The following WAC variants were observed in gnomAD, a reference collection of about 807,000 sequenced individuals.
WAC encodes the protein WW domain-containing adapter protein with coiled-coil.
WAC carries 11 observed loss-of-function variants against 79.6 expected under a neutral mutation model. The ratio of observed to expected loss-of-function variants is 0.14; its 90% CI spans 0.09 to 0.23. The LOEUF is 0.23. WAC is among the 10% of genes least tolerant of loss of function. The pLI is 1.00. For missense variants in WAC, 728 were observed against 773.5 expected (o/e 0.94, Z 0.70); for synonymous variants, 304 against 276.9 (o/e 1.10, Z -0.97).
At chr10:28,591,000 G>C (rs1335355629) in intron 6 of WAC, 168 bp downstream of exon 6, 6 of 622,104 alleles carry the variant, frequency 9.6e-6, no homozygotes, top group Non-Finnish European at 1.7e-5. Flanking sequence ...TCCCTGAAAA[G>C]GGAAAAGATA....
In WAC at chr10:28,617,740, T is replaced by C. The variant is rs747776500; in HGVS notation, c.1830T>C (p.Ser610=). ...EICTELKNLR[S]LVRVCEIQAT... ...GTACTGAATTAAAAAATTTAAGATC[T>C]TTAGTCCGAGTATGTGAAATTCAAG... is the stretch of plus-strand genomic sequence containing the variant. Residue 610 remains serine, a synonymous_variant, in exon 13 of 14, where the codon TCT becomes TCC. Coordinates refer to ENST00000354911, the MANE Select transcript of WAC (RefSeq NM_016628.5). 5.6e-6 allele frequency: 9 copies of C among 1,598,146 alleles called. No homozygotes were observed. The African/African-American group carries it at 1.2e-4, about 21-fold the overall frequency.
chr10:28,619,672 T>A lies in WAC; in HGVS notation c.*66T>A. 7.3e-7 allele frequency: 1 copy of A among 1,376,024 alleles called. No homozygotes were observed. The highest frequency in any genetic ancestry group is 9.8e-7 in the Non-Finnish European group (1 of 1,018,932). The allele number at this position is 1,376,024 out of a possible 1,614,324, so 85.2% of individuals were successfully genotyped here. A position where few individuals can be genotyped will look rare whatever the true frequency, so the allele number is the denominator to read the frequency against. On this transcript the variant is annotated 3_prime_UTR_variant, in exon 14 of 14. Transcript: ENST00000354911. The stretch of plus-strand genomic sequence containing the variant: ...TAAATCTGTTGCCCAATCTTAACAT[T>A]TTTGAGCTGCATTTAAGTAGACTTT...
intron 3 of WAC, among the ~76,000 whole-genome samples, chr10:28,536,465 A>G (rs576005338): frequency 6.6e-5 from 10 of 152,214 alleles, no homozygotes; most frequent in Non-Finnish European, 1.0e-4. Flanking sequence ...ATGATAAACT[A>G]TGAATTTAAA....
rs143909998 is a variant in WAC at position 28,611,899 on chromosome 10, C to A, written c.1414C>A (p.Pro472Thr). The A allele has an allele frequency of 1.6e-4, 261 of 1,613,674 alleles. No individual in the cohort carries two copies. The highest frequency in any genetic ancestry group is 2.0e-4 in the Non-Finnish European group (237 of 1,179,968). The change falls in exon 10 of 14, where the codon CCT becomes ACT. Residue 472 changes from proline (P) to threonine (T), a missense_variant. This residue lies in a region of WAC where 648 missense variants were observed against 661.5 expected (regional missense o/e 0.98). Coordinates refer to ENST00000354911, the MANE Select transcript of WAC (RefSeq NM_016628.5). ...CCCTATCAAACCTTTGATCAGTACT[C>A]CTCCTGTTTCATCACAGCCAAAGGT... Reference protein sequence around the residue: ...TVPIKPLISTPPVSSQPKVST... With the variant: ...TVPIKPLISTTPVSSQPKVST...
At chr10:28,554,006 A>AG (rs1466313656) in intron 3 of WAC, among the ~76,000 whole-genome samples, 1 of 152,062 alleles carries the variant, frequency 6.6e-6, no homozygotes, top group Non-Finnish European at 1.5e-5. Context: ...GTCCAGGACT[A>AG]CAGGCGCATA....
At chr10:28,593,037 C>G (rs1840177783) in intron 6 of WAC, among the ~76,000 whole-genome samples, 1 of 152,096 alleles carries the variant, frequency 6.6e-6, no homozygotes, top group South Asian at 2.1e-4. Context: ...TCATATCTGC[C>G]CACTTCTCTG....
intron 6 of WAC, among the ~76,000 whole-genome samples, chr10:28,595,419 GA>G (rs1840308258): frequency 1.4e-5 from 2 of 140,688 alleles, no homozygotes; most frequent in South Asian, 2.2e-4. Context: ...TCCATATGTT[GA>G]TTTTTTTTTT....
At chr10:28,568,467 A>G (rs1370133923) in intron 3 of WAC, among the ~76,000 whole-genome samples, 1 of 151,012 alleles carries the variant, frequency 6.6e-6, no homozygotes, top group Non-Finnish European at 1.5e-5. Context: ...TGCAACCTCC[A>G]CCTCCCGGGT....
rs376832180 is a variant in WAC, at chr10:28,595,716, C to T, written c.611-17C>T. 3.4e-5 allele frequency: 55 copies of T among 1,597,792 alleles called. No homozygotes were observed. Among genetic ancestry groups the T allele is most frequent in the African/African-American group, 1.7e-4 (13 of 74,304 alleles). On this transcript the variant is annotated splice_polypyrimidine_tract_variant and intron_variant, in intron 6 of 13. Coordinates refer to ENST00000354911, the MANE Select transcript of WAC (RefSeq NM_016628.5). ...TCTGTCATTCCAACATCTGTTTTTTCGAACTGTGAACTAAAGTGGAAGACA... is the reference window on the plus strand; with the variant it reads ...TCTGTCATTCCAACATCTGTTTTTTTGAACTGTGAACTAAAGTGGAAGACA...
At chr10:28,578,045 G>A (rs1839337066) in intron 3 of WAC, among the ~76,000 whole-genome samples, 1 of 152,180 alleles carries the variant, frequency 6.6e-6, no homozygotes, top group Non-Finnish European at 1.5e-5. Flanking sequence ...TGTAGTGCCA[G>A]CTACTTGGGA....
chr10:28,563,401 T>C (rs1440294017), intron 3 of WAC, among the ~76,000 whole-genome samples: 1 of 152,222 alleles, frequency 6.6e-6, no homozygotes, highest in African/African-American at 2.4e-5. Flanking sequence ...TTAGGAAATA[T>C]TTGTTAGAAT....
At chr10:28,559,135 G>GGTGTGT (rs750941388) in intron 3 of WAC, among the ~76,000 whole-genome samples, 61 of 64,728 alleles carry the variant, frequency 9.4e-4, no homozygotes, top group Non-Finnish European at 1.5e-3. Context: ...CGAGAAACCT[G>GGTGTGT]ATGTGTGTGT....
intron 3 of WAC, among the ~76,000 whole-genome samples, chr10:28,570,744 G>A (rs941098266): frequency 3.3e-5 from 5 of 152,080 alleles, no homozygotes; most frequent in Non-Finnish European, 5.9e-5. Flanking sequence ...AGGAAATAGT[G>A]ATTCAAACAG....
chr10:28,547,783 T>G (rs1036891514), intron 3 of WAC, among the ~76,000 whole-genome samples: 4 of 152,130 alleles, frequency 2.6e-5, no homozygotes, highest in African/African-American at 9.7e-5. Flanking sequence ...CTTGAAAATT[T>G]AGAGTTTTTC....
chr10:28,608,537 A>G (rs1447170372), intron 8 of WAC, 106 bp downstream of exon 8: 5 of 1,215,826 alleles, frequency 4.1e-6, no homozygotes, highest in Non-Finnish European at 5.6e-6. Context: ...TTTGAAATTT[A>G]TAGTTGAACA....
Position 28,619,702 on chromosome 10 carries a change from C to A in WAC, c.*96C>A, listed in dbSNP as rs1398112339. On this transcript the variant is annotated 3_prime_UTR_variant, in exon 14 of 14. Coordinates refer to ENST00000354911, the MANE Select transcript of WAC (RefSeq NM_016628.5). Reference sequence around the variant, plus strand: ...AGCTGCATTTAAGTAGACTTTGGACCGTTAAGCTGGGCAAAGGAAATGACA... The same window carrying A: ...AGCTGCATTTAAGTAGACTTTGGACAGTTAAGCTGGGCAAAGGAAATGACA... The A allele has an allele frequency of 9.8e-7, 1 of 1,015,908 alleles. No homozygotes were observed. 62.9% of individuals were successfully genotyped at this position (1,015,908 alleles called of 1,614,324 possible). A position where few individuals can be genotyped will look rare whatever the true frequency, so the allele number is the denominator to read the frequency against.
chr10:28,617,805 T>C (rs372765618), intron 13 of WAC, 21 bp downstream of exon 13: 231 of 1,561,738 alleles, frequency 1.5e-4, no homozygotes, highest in Non-Finnish European at 1.8e-4. Flanking sequence ...CACTGAAATA[T>C]ATTTTTATGT....
chr10:28,543,867 G>GTTTTGT (rs1442205600), intron 3 of WAC, among the ~76,000 whole-genome samples: 1 of 145,748 alleles, frequency 6.9e-6, no homozygotes, highest in Non-Finnish European at 1.6e-5. Flanking sequence ...GGTTTCCTTT[G>GTTTTGT]TTTTGTTTTT....
intron 4 of WAC, among the ~76,000 whole-genome samples, chr10:28,587,833 G>A (rs1248383503): frequency 6.6e-6 from 1 of 152,140 alleles, no homozygotes; most frequent in Non-Finnish European, 1.5e-5. Flanking sequence ...TCAATGTAGT[G>A]TGGTAGACCG....
Sources: allele counts gnomAD v4.1 joint callset (sites outside exome capture counted in the v4.1 genomes callset), GRCh38; gene constraint gnomAD v4.1.1; regional missense constraint gnomAD v4.1.1; transcripts MANE v1.5; gene names NCBI Gene and HGNC (gene_info 2026-07-23, HGNC 2026-07-21).